Variants in DPP6 observed in about 807,000 individuals in gnomAD.
DPP6 encodes the protein A-type potassium channel modulatory protein DPP6.
Under a neutral mutation model 122.6 loss-of-function variants are expected in DPP6, and 69 were observed. The observed-to-expected ratio is 0.56, with a 90% CI of 0.46 to 0.69. DPP6 has a LOEUF of 0.69. DPP6 is among the 30% of genes least tolerant of loss of function. The probability of loss-of-function intolerance (pLI) is 0.00; values close to 1 mark genes in which losing one functional copy is unlikely to be tolerated. For missense variants in DPP6, 928 were observed against 1,116.9 expected, an observed-to-expected ratio of 0.83 and a Z score of 2.41; for synonymous variants, 418 against 433.1, an observed-to-expected ratio of 0.97 and a Z score of 0.43.
the DPP6 span, among the ~76,000 whole-genome samples, chr7:153,845,569 A>G: frequency 0.098 from 14,898 of 151,976 alleles, 815 homozygotes; most frequent in Middle Eastern, 0.14. Context: ...TTTTAAGTTT[A>G]TATTTAACCA....
intron 1 of DPP6, among the ~76,000 whole-genome samples, chr7:154,252,572 G>A (rs2150898875): frequency 6.6e-6 from 1 of 152,314 alleles, no homozygotes; most frequent in South Asian, 2.1e-4. Context: ...TCTGGGAATA[G>A]CATATGAACA....
chr7:153,825,479 C>T, the DPP6 span, among the ~76,000 whole-genome samples: 11 of 152,136 alleles, frequency 7.2e-5, no homozygotes, highest in South Asian at 2.1e-4. Context: ...TGATGACAGT[C>T]GGTTATCTTC....
At chr7:154,522,637 A>G (rs1366688385) in intron 3 of DPP6, among the ~76,000 whole-genome samples, 3 of 152,170 alleles carry the variant, frequency 2.0e-5, no homozygotes, top group African/African-American at 7.2e-5. Flanking sequence ...TTTGGAGCCC[A>G]CATTGCCTTC....
At chr7:153,888,164 C>T (rs1306298447) in intron 1 of DPP6, among the ~76,000 whole-genome samples, 4 of 152,142 alleles carry the variant, frequency 2.6e-5, no homozygotes, top group Non-Finnish European at 2.9e-5. Flanking sequence ...GCTCCGAGTC[C>T]CCGGAACTCG....
chr7:154,258,779 A>G (rs548230088), intron 1 of DPP6, among the ~76,000 whole-genome samples: 1 of 152,346 alleles, frequency 6.6e-6, no homozygotes, highest in South Asian at 2.1e-4. Context: ...TCACACCAAT[A>G]AAAACACAAC....
chr7:154,720,290 C>T (rs2131339614), intron 7 of DPP6, among the ~76,000 whole-genome samples: 1 of 152,270 alleles, frequency 6.6e-6, no homozygotes, highest in Non-Finnish European at 1.5e-5. Flanking sequence ...GGCAGGGCAG[C>T]ATGGAGGAAG....
intron 1 of DPP6, among the ~76,000 whole-genome samples, chr7:154,064,614 C>G (rs553290639): frequency 6.6e-6 from 1 of 151,994 alleles, no homozygotes; most frequent in South Asian, 2.1e-4. Flanking sequence ...CATGATGTTC[C>G]CAAAACTCTT....
At chr7:153,965,067 G>A (rs1040564409) in intron 1 of DPP6, among the ~76,000 whole-genome samples, 4 of 135,432 alleles carry the variant, frequency 3.0e-5, no homozygotes, top group Non-Finnish European at 6.1e-5. Flanking sequence ...TTGGTTAATT[G>A]TGACAAACCT....
intron 1 of DPP6, among the ~76,000 whole-genome samples, 190 bp from the exon 2 acceptor site, chr7:154,446,024 G>A (rs1303274832): frequency 6.6e-6 from 1 of 152,210 alleles, no homozygotes; most frequent in Non-Finnish European, 1.5e-5. Flanking sequence ...ACAGCCGAAG[G>A]CTTTGGGCCA....
chr7:153,845,545 TA>T, the DPP6 span, among the ~76,000 whole-genome samples: 1 of 152,022 alleles, frequency 6.6e-6, no homozygotes, highest in African/African-American at 2.4e-5. Context: ...ACATTTCATC[TA>T]AAAATTTCAA....
chr7:154,272,714 A>G (rs778315058), intron 1 of DPP6, among the ~76,000 whole-genome samples: 12 of 152,206 alleles, frequency 7.9e-5, no homozygotes, highest in Non-Finnish European at 1.0e-4. Context: ...GGGGGCCTCA[A>G]TAGAGCCTGA....
intron 2 of DPP6, among the ~76,000 whole-genome samples, chr7:154,458,521 C>A (rs1462221086): frequency 1.3e-5 from 2 of 152,178 alleles, no homozygotes; most frequent in African/African-American, 2.4e-5. Context: ...GAGCGTGCAG[C>A]CCTGCTGACA....
chr7:154,031,496 A>G (rs896196465), intron 1 of DPP6, among the ~76,000 whole-genome samples: 1 of 152,032 alleles, frequency 6.6e-6, no homozygotes, highest in Non-Finnish European at 1.5e-5. Context: ...GACTAAAAAA[A>G]ATCACAGATA....
chr7:154,703,991 G>C (rs967774158), intron 7 of DPP6, among the ~76,000 whole-genome samples: 1 of 152,126 alleles, frequency 6.6e-6, no homozygotes, highest in Non-Finnish European at 1.5e-5. Flanking sequence ...CATAGATAGT[G>C]ATTCCTCTGA....
At chr7:154,435,607 T>A (rs1818797116) in intron 1 of DPP6, among the ~76,000 whole-genome samples, 1 of 152,176 alleles carries the variant, frequency 6.6e-6, no homozygotes, top group African/African-American at 2.4e-5. Flanking sequence ...TCCTGGATGA[T>A]TATTGACGGA....
At chr7:153,811,923 G>A in the DPP6 span, among the ~76,000 whole-genome samples, 2 of 152,096 alleles carry the variant, frequency 1.3e-5, no homozygotes, top group Non-Finnish European at 2.9e-5. Flanking sequence ...CGTGCTGACT[G>A]TAGGAAATGA....
At chr7:154,684,988 A>G (rs1010110848) in intron 7 of DPP6, among the ~76,000 whole-genome samples, 2 of 152,256 alleles carry the variant, frequency 1.3e-5, no homozygotes, top group African/African-American at 4.8e-5. Context: ...AAAGACTCAG[A>G]ATAATAAAGG....
At chr7:154,878,695 G>GAGCTCGTCCCACCCCTGTGGAAGGC (rs1238996072) in intron 20 of DPP6, among the ~76,000 whole-genome samples, 3 of 152,200 alleles carry the variant, frequency 2.0e-5, no homozygotes, top group African/African-American at 7.2e-5. Context: ...CTGTGGAAGG[G>GAGCTCGTCCCACCCCTGTGGAAGGC]AGCTCGTCCC....
chr7:154,570,545 T>C (rs1831043304), intron 5 of DPP6, among the ~76,000 whole-genome samples: 1 of 152,182 alleles, frequency 6.6e-6, no homozygotes, highest in Non-Finnish European at 1.5e-5. Context: ...TATACCAAGA[T>C]ACAATCCAAG....
Sources: allele counts gnomAD v4.1 joint callset (sites outside exome capture counted in the v4.1 genomes callset), GRCh38; gene constraint gnomAD v4.1.1; transcripts MANE v1.5; gene names NCBI Gene and HGNC (gene_info 2026-07-23, HGNC 2026-07-21).